The following ENOX1 variants were observed in gnomAD, a reference collection of about 807,000 sequenced individuals.
ENOX1 encodes ecto-NOX disulfide-thiol exchanger 1, also known as candidate growth-related and time keeping constitutive hydroquinone (NADH) oxidase.
Under a neutral mutation model 82.5 loss-of-function variants are expected in ENOX1, and 42 were observed. That is an observed-to-expected ratio of 0.51 (90% CI 0.40 to 0.66). The LOEUF (loss-of-function observed/expected upper bound fraction) is 0.66. ENOX1 is among the 30% of genes least tolerant of loss of function. The pLI is 0.00. For missense variants in ENOX1, 608 were observed against 811.6 expected, an observed-to-expected ratio of 0.75 and a Z score of 3.05; for synonymous variants, 271 against 282.2, an observed-to-expected ratio of 0.96 and a Z score of 0.40.
chr13:43,638,332 C>T (rs1172141808), intron 2 of ENOX1, among the ~76,000 whole-genome samples: 1 of 152,052 alleles, frequency 6.6e-6, no homozygotes, highest in African/African-American at 2.4e-5. Context: ...CAAAGTGGTA[C>T]ATTGTGTCCT....
chr13:43,313,606 G>A (rs898025845), intron 11 of ENOX1, among the ~76,000 whole-genome samples: 4 of 152,044 alleles, frequency 2.6e-5, no homozygotes, highest in African/African-American at 9.7e-5. Flanking sequence ...AAAATCACTT[G>A]TAATTACACC....
In ENOX1 at chr13:43,730,612, A is replaced by G. The variant is rs1223981274; in HGVS notation, c.-285+56040T>C. 2.0e-5 allele frequency among the ~76,000 whole-genome samples: 3 copies of G among 152,130 alleles called. No individual in the cohort carries two copies. In the East Asian group the frequency reaches 5.8e-4, roughly 29 times the overall value. ...CCCAGAAGTCCCTGTAAAACATCAT[A>G]CTGGCTCCATCACATTCTTGCCTAA... On this transcript the variant is annotated intron_variant, in intron 1 of 16. Coordinates refer to ENST00000690772, the MANE Select transcript of ENOX1 (RefSeq NM_001347969.2).
chr13:43,559,309 T>G (rs1055105792), intron 2 of ENOX1, among the ~76,000 whole-genome samples: 1 of 152,248 alleles, frequency 6.6e-6, no homozygotes, highest in East Asian at 1.9e-4. Flanking sequence ...GTTTTTATAC[T>G]TTTTTCTTTT....
intron 2 of ENOX1, among the ~76,000 whole-genome samples, chr13:43,490,153 G>A (rs966588000): frequency 6.6e-6 from 1 of 152,108 alleles, no homozygotes; most frequent in African/African-American, 2.4e-5. Flanking sequence ...TGTTGGCCAG[G>A]CTGGTCTCGA....
chr13:43,779,481 C>T (rs77329199), intron 1 of ENOX1, among the ~76,000 whole-genome samples: 1,846 of 152,226 alleles, frequency 0.012, 31 homozygotes, highest in African/African-American at 0.041. Context: ...GGAGAGAAAC[C>T]CCAGGTGGGG....
intron 2 of ENOX1, among the ~76,000 whole-genome samples, chr13:43,562,377 T>C (rs1351767708): frequency 6.6e-6 from 1 of 151,772 alleles, no homozygotes; most frequent in East Asian, 1.9e-4. Context: ...AAAAATACAA[T>C]AGATACATAA....
intron 2 of ENOX1, among the ~76,000 whole-genome samples, chr13:43,532,495 G>A (rs1432965743): frequency 6.6e-6 from 1 of 152,062 alleles, no homozygotes; most frequent in Non-Finnish European, 1.5e-5. Flanking sequence ...CATTTGCACC[G>A]ATGGGGCAAA....
intron 2 of ENOX1, among the ~76,000 whole-genome samples, chr13:43,595,261 G>A (rs2081413382): frequency 6.6e-6 from 1 of 151,882 alleles, no homozygotes. Context: ...ATAGCAGGTA[G>A]AACGAATTAT....
chr13:43,737,009 G>A lies in ENOX1; in HGVS notation c.-285+49643C>T, dbSNP rs1407854413. Among the ~76,000 whole-genome samples the A allele has an allele frequency of 3.3e-5, 5 of 152,134 alleles. No homozygotes were observed. In the South Asian group the frequency reaches 1.0e-3, roughly 32 times the overall value. Reference sequence around the variant, plus strand: ...CTTAACACAGGCTTAATTCTACCCTGCCATAGATGATTTCCAGTGGAAGCC... The same window carrying A: ...CTTAACACAGGCTTAATTCTACCCTACCATAGATGATTTCCAGTGGAAGCC... On this transcript the variant is annotated intron_variant, in intron 1 of 16. Transcript: ENST00000690772.
At position 43,359,333 on chromosome 13, in the gene ENOX1, T is replaced by C. The variant is rs545322386; in HGVS notation, c.589+518A>G. ...CAGCACTAGGCCTAATCTCAGTATC[T>C]GTAAAAATCGCCTATAAAAATTGAC... On this transcript the variant is annotated intron_variant, in intron 7 of 16. Transcript: ENST00000690772. Among the ~76,000 whole-genome samples, 4 of 152,316 alleles carry C rather than the reference T, an allele frequency of 2.6e-5. No individual in the cohort carries two copies. The East Asian group carries it at 7.7e-4, about 29-fold the overall frequency.
intron 9 of ENOX1, among the ~76,000 whole-genome samples, chr13:43,338,676 GTTTTTTTTTTTTTT>G (rs71099830): frequency 3.1e-4 from 25 of 81,274 alleles, no homozygotes; most frequent in Admixed American, 6.8e-4. Flanking sequence ...TTCAGGTTGG[GTTTTTTTTTTTTTT>G]TTTTTTTTTT....
chr13:43,697,853 T>C (rs1235598028), intron 1 of ENOX1, among the ~76,000 whole-genome samples: 1 of 152,164 alleles, frequency 6.6e-6, no homozygotes, highest in African/African-American at 2.4e-5. Context: ...ATATGCTACT[T>C]ACTGTAGATG....
At chr13:43,569,380 T>C (rs951900556) in intron 2 of ENOX1, among the ~76,000 whole-genome samples, 1 of 152,192 alleles carries the variant, frequency 6.6e-6, no homozygotes, top group African/African-American at 2.4e-5. Context: ...GATAGATAGA[T>C]AGAACTAGGG....
intron 3 of ENOX1, among the ~76,000 whole-genome samples, chr13:43,477,529 G>A (rs966968502): frequency 1.3e-5 from 2 of 152,116 alleles, no homozygotes; most frequent in African/African-American, 4.8e-5. Flanking sequence ...TCTTCAGAAA[G>A]AGAAACAATG....
chr13:43,445,783 TG>T (rs945090378), intron 3 of ENOX1, among the ~76,000 whole-genome samples: 1 of 152,216 alleles, frequency 6.6e-6, no homozygotes, highest in Admixed American at 6.5e-5. Flanking sequence ...AAGAGCCTCC[TG>T]GGATGCAGGT....
intron 2 of ENOX1, among the ~76,000 whole-genome samples, chr13:43,504,460 T>C (rs2077082387): frequency 6.6e-6 from 1 of 151,788 alleles, no homozygotes; most frequent in African/African-American, 2.4e-5. Flanking sequence ...AAATGTGGTA[T>C]ATACATACAA....
At chr13:43,393,503 AG>A (rs2052931038) in intron 5 of ENOX1, among the ~76,000 whole-genome samples, 1 of 152,178 alleles carries the variant, frequency 6.6e-6, no homozygotes, top group Non-Finnish European at 1.5e-5. Context: ...AATAAAATAT[AG>A]TTCTTCCCAT....
In ENOX1 at chr13:43,755,237, A is replaced by C. The variant is rs147693993; in HGVS notation, c.-285+31415T>G. On this transcript the variant is annotated intron_variant, in intron 1 of 16. Transcript: ENST00000690772. ...ACAGCTTCCTCCACATCTCCATATG[A>C]CCATCACTGTCAGAACCATCATCTT... Among the ~76,000 whole-genome samples, 634 of 152,330 alleles carry C rather than the reference A, an allele frequency of 4.2e-3. 10 individuals carry two copies. The highest frequency in any genetic ancestry group is 0.014 in the African/African-American group (598 of 41,572).
At chr13:43,738,108 A>G (rs1344296494) in intron 1 of ENOX1, among the ~76,000 whole-genome samples, 1 of 152,250 alleles carries the variant, frequency 6.6e-6, no homozygotes, top group Non-Finnish European at 1.5e-5. Flanking sequence ...TATTTTCCAA[A>G]TATCTTAAAG....
Sources: gnomAD v4.1 joint callset for allele counts (sites outside exome capture counted in the v4.1 genomes callset) on GRCh38, gnomAD v4.1.1 for gene constraint, MANE v1.5 for transcripts, NCBI Gene and HGNC (gene_info 2026-07-23, HGNC 2026-07-21) for gene names.